Variants in ASB4 observed in about 807,000 individuals in gnomAD.
The protein encoded by ASB4 is ankyrin repeat and SOCS box containing 4, also known as ankyrin repeat and SOCS box protein 4.
A neutral mutation model predicts 38.6 loss-of-function variants in ASB4; 35 were observed. The ratio of observed to expected loss-of-function variants is 0.91; its 90% CI spans 0.69 to 1.20. The LOEUF (loss-of-function observed/expected upper bound fraction) is 1.20. Ranked by LOEUF, ASB4 falls within the 50% of genes most tolerant of loss-of-function variation. The pLI, the probability that ASB4 is intolerant of heterozygous loss-of-function variation, is 0.00. For missense variants in ASB4, 557 were observed against 527.2 expected (o/e 1.06, Z -0.55); for synonymous variants, 195 against 201.3 (o/e 0.97, Z 0.26).
rs933909348 is a variant in ASB4 at position 95,537,977 on chromosome 7, G to A, written c.*218G>A. The A allele has an allele frequency of 7.8e-6, 4 of 513,154 alleles. No individual in the cohort carries two copies. The highest frequency in any genetic ancestry group is 3.8e-5 in the African/African-American group (2 of 52,776). The allele number at this position is 513,154 out of a possible 1,614,324, so 31.8% of individuals were successfully genotyped here. A position where few individuals can be genotyped will look rare whatever the true frequency, so the allele number is the denominator to read the frequency against. On this transcript the variant is annotated 3_prime_UTR_variant, in exon 5 of 5. Coordinates refer to ENST00000325885, the MANE Select transcript of ASB4 (RefSeq NM_016116.3). The stretch of plus-strand genomic sequence containing the variant: ...TCAAAGACAAGGATGTATTCAGAAT[G>A]TACTGATAGAACAGTAATAACTAAT...
intron 2 of ASB4, among the ~76,000 whole-genome samples, chr7:95,514,194 G>A (rs754091739): frequency 6.6e-5 from 10 of 151,870 alleles, no homozygotes; most frequent in African/African-American, 1.2e-4. Flanking sequence ...CTCTCTTAAC[G>A]TCATTTCTTT....
At position 95,527,810 on chromosome 7, in the gene ASB4, T is replaced by C. The variant is rs1012068142; in HGVS notation, c.488-3T>C. ...AATTGTCTTCCTCAATTTCCCTTTA[T>C]AGGGGCGAATGTGAACATGAAGACC... On this transcript the variant is annotated splice_region_variant and splice_polypyrimidine_tract_variant and intron_variant, in intron 2 of 4. Coordinates refer to ENST00000325885, the MANE Select transcript of ASB4 (RefSeq NM_016116.3). The C allele has an allele frequency of 1.3e-6, 2 of 1,590,450 alleles. No individual in the cohort carries two copies. The highest frequency in any genetic ancestry group is 8.6e-7 in the Non-Finnish European group (1 of 1,162,680).
At chr7:95,479,992 A>G (rs1215671136) in intron 1 of ASB4, among the ~76,000 whole-genome samples, 2 of 152,126 alleles carry the variant, frequency 1.3e-5, no homozygotes, top group East Asian at 3.8e-4. Context: ...TATTCCCGCA[A>G]TTCAAGTTTT....
chr7:95,526,430 C>T (rs765064843), intron 2 of ASB4, among the ~76,000 whole-genome samples: 2 of 151,946 alleles, frequency 1.3e-5, no homozygotes, highest in South Asian at 2.1e-4. Context: ...GCTGTGCTGC[C>T]GGTTGCAACT....
chr7:95,535,763 G>T (rs1208263275), intron 3 of ASB4, among the ~76,000 whole-genome samples: 1 of 152,140 alleles, frequency 6.6e-6, no homozygotes, highest in Non-Finnish European at 1.5e-5. Context: ...TCTTTCATTT[G>T]TTAATGAAAG....
chr7:95,484,615 C>T (rs1206962363), upstream of ASB4, among the ~76,000 whole-genome samples: 2 of 152,048 alleles, frequency 1.3e-5, no homozygotes, highest in African/African-American at 4.8e-5. Flanking sequence ...TAAGTAAATT[C>T]TAAGAATCAA....
At chr7:95,475,210 G>A (rs1789964587), upstream of ASB4, among the ~76,000 whole-genome samples, 1 of 152,108 alleles carries the variant, frequency 6.6e-6, no homozygotes, top group Admixed American at 6.6e-5. Flanking sequence ...TCATAATCCA[G>A]GCTGTCAATA....
intron 2 of ASB4, among the ~76,000 whole-genome samples, chr7:95,508,315 A>C (rs1790437611): frequency 6.6e-6 from 1 of 152,124 alleles, no homozygotes; most frequent in Admixed American, 6.6e-5. Context: ...GAAGGCTTTA[A>C]GGAAGCTTCC....
At chr7:95,513,818 C>CCCTAGGCAT (rs1790518294) in intron 2 of ASB4, among the ~76,000 whole-genome samples, 1 of 152,172 alleles carries the variant, frequency 6.6e-6, no homozygotes, top group African/African-American at 2.4e-5. Context: ...CACCTACCCA[C>CCCTAGGCAT]CCTAGGCATC....
chr7:95,494,602 G>A (rs1241621636), intron 1 of ASB4, among the ~76,000 whole-genome samples: 1 of 152,164 alleles, frequency 6.6e-6, no homozygotes. Flanking sequence ...GACTGTTGAA[G>A]AACTATCTCT....
chr7:95,478,120 G>A (rs1016558760), upstream of ASB4, among the ~76,000 whole-genome samples: 8 of 152,160 alleles, frequency 5.3e-5, no homozygotes, highest in Non-Finnish European at 1.0e-4. Flanking sequence ...AAAAGGGAAG[G>A]ATAATTTTTT....
In ASB4 at chr7:95,537,727, T is replaced by G; in HGVS notation, c.1249T>G (p.Leu417Val). The change falls in exon 5 of 5, where the codon TTG (leucine) becomes GTG (valine). Residue 417 changes from leucine (L) to valine (V), a missense_variant. Transcript: ENST00000325885. Reference protein sequence around the residue: ...LSLPLSLKKYLLLEPEGIIY With the variant: ...LSLPLSLKKYVLLEPEGIIY ...CCTCCCATTGTCATTGAAAAAGTAC[T>G]TGCTTTTAGAGCCAGAGGGAATTAT... 1 of 1,613,910 alleles carries G rather than the reference T, an allele frequency of 6.2e-7. No individual in the cohort carries two copies. Among genetic ancestry groups the G allele is most frequent in the Middle Eastern group, 1.7e-4 (1 of 6,056 alleles).
chr7:95,519,051 T>C (rs1296779685), intron 2 of ASB4, among the ~76,000 whole-genome samples: 2 of 152,192 alleles, frequency 1.3e-5, no homozygotes, highest in Non-Finnish European at 1.5e-5. Flanking sequence ...CCCCAGACTC[T>C]AGAGAATGTG....
rs182344673 is a variant in ASB4 at position 95,525,565 on chromosome 7, G to A, written c.488-2248G>A. On this transcript the variant is annotated intron_variant, in intron 2 of 4. Transcript: ENST00000325885. ...TGCACCAACAGGTCAAAGATCAATC[G>A]TAAATGTCCAAGTACATTAAAAAAG... Among the ~76,000 whole-genome samples, 83 of 152,094 alleles carry A rather than the reference G, an allele frequency of 5.5e-4. 1 individual carries two copies. Among genetic ancestry groups the A allele is most frequent in the African/African-American group, 1.7e-3 (72 of 41,490 alleles).
chr7:95,550,228 A>G, the ASB4 span, among the ~76,000 whole-genome samples: 2 of 152,178 alleles, frequency 1.3e-5, no homozygotes, highest in African/African-American at 4.8e-5. Flanking sequence ...AGCAGGTCTA[A>G]AAGTCCAAGG....
At chr7:95,505,385 G>T (rs1256891049) in intron 2 of ASB4, among the ~76,000 whole-genome samples, 1 of 152,086 alleles carries the variant, frequency 6.6e-6, no homozygotes, top group African/African-American at 2.4e-5. Flanking sequence ...AAGGGGCCTA[G>T]AAAATATATT....
At chr7:95,493,683 A>T (rs1254050709) in intron 1 of ASB4, among the ~76,000 whole-genome samples, 1 of 152,040 alleles carries the variant, frequency 6.6e-6, no homozygotes, top group Non-Finnish European at 1.5e-5. Flanking sequence ...TTCTGTCCTG[A>T]TCCCCCAACC....
chr7:95,502,148 C>A (rs898816690), intron 2 of ASB4, among the ~76,000 whole-genome samples: 4 of 149,540 alleles, frequency 2.7e-5, no homozygotes, highest in African/African-American at 7.4e-5. Context: ...AGAAAAAGAA[C>A]AAAACGACCA....
At chr7:95,515,858 A>C (rs1490343951) in intron 2 of ASB4, among the ~76,000 whole-genome samples, 1 of 152,168 alleles carries the variant, frequency 6.6e-6, no homozygotes, top group Non-Finnish European at 1.5e-5. Context: ...TGTTGCTGCC[A>C]CTCAAAAAAG....
Sources: allele counts gnomAD v4.1 joint callset (sites outside exome capture counted in the v4.1 genomes callset), GRCh38; gene constraint gnomAD v4.1.1; transcripts MANE v1.5; gene names NCBI Gene and HGNC (gene_info 2026-07-23, HGNC 2026-07-21).